The following TRAPPC9 variants were observed in gnomAD, a reference collection of about 807,000 sequenced individuals.
TRAPPC9 encodes IKK2 binding protein.
A neutral mutation model predicts 124.0 loss-of-function variants in TRAPPC9; 83 were observed. The observed-to-expected ratio is 0.67, with a 90% CI of 0.56 to 0.80. The LOEUF is 0.80. Ranked by LOEUF, TRAPPC9 falls within the 30% of genes least tolerant of loss-of-function variation. TRAPPC9 has a pLI of 0.00. For missense variants in TRAPPC9, 1,302 were observed against 1,508.3 expected (o/e 0.86, Z 2.27); for synonymous variants, 638 against 617.5 (o/e 1.03, Z -0.49).
Position 140,371,075 on chromosome 8 carries a change from G to A in TRAPPC9, c.1240C>T (p.Gln414Ter). 6.2e-7 allele frequency: 1 copy of A among 1,614,246 alleles called. No homozygotes were observed. The highest frequency in any genetic ancestry group is 8.5e-7 in the Non-Finnish European group (1 of 1,180,054). ...SAFFKRVAAM[Q>*]CVAPSIAEPG... ...TCCGCGATGCTTGGGGCCACGCACT[G>A]CATGGCGGCCACGCGCTTGAAGAAC... is the stretch of plus-strand genomic sequence containing the variant. The change falls in exon 8 of 23, where the codon CAG becomes TAG. Residue 414 changes from glutamine to a stop codon, truncating the protein, a stop_gained. Transcript: ENST00000438773. LOFTEE classifies it high-confidence loss of function.
intron 19 of TRAPPC9, among the ~76,000 whole-genome samples, chr8:139,947,920 A>AGC (rs1554678320): frequency 8.7e-4 from 51 of 58,806 alleles, no homozygotes; most frequent in Non-Finnish European, 1.2e-3. Context: ...AGAGAGAGAG[A>AGC]GAGCGAGAGA....
At chr8:140,442,101 G>A (rs967875114) in intron 2 of TRAPPC9, among the ~76,000 whole-genome samples, 2 of 152,158 alleles carry the variant, frequency 1.3e-5, no homozygotes, top group Admixed American at 6.5e-5. Context: ...ACCTGCTGTA[G>A]CAAAATATAA....
At position 140,009,351 on chromosome 8, in the gene TRAPPC9, G is replaced by A. The variant is rs140285412; in HGVS notation, c.2699+14586C>T. On this transcript the variant is annotated intron_variant, in intron 18 of 22. Transcript: ENST00000438773. ...CAGCTTACTATGCTCATTTTAACAA[G>A]TACAGTCAGCAAGGATCAGGAAAAC... Among the ~76,000 whole-genome samples, 7 of 152,254 alleles carry A rather than the reference G, an allele frequency of 4.6e-5. No homozygotes were observed. The East Asian group carries it at 1.4e-3, about 29-fold the overall frequency.
intron 17 of TRAPPC9, among the ~76,000 whole-genome samples, chr8:140,113,658 G>A (rs2060824171): frequency 6.6e-6 from 1 of 152,186 alleles, no homozygotes; most frequent in Admixed American, 6.5e-5. Flanking sequence ...CCTGTCCGTA[G>A]GAAGCAACTT....
chr8:140,114,927 C>G (rs76154537), intron 17 of TRAPPC9, among the ~76,000 whole-genome samples: 1,908 of 152,288 alleles, frequency 0.013, 39 homozygotes, highest in African/African-American at 0.042. Context: ...AGTCAGGAGT[C>G]TGACTACCTC....
chr8:140,282,358 C>T (rs2065348032), intron 14 of TRAPPC9, among the ~76,000 whole-genome samples: 1 of 152,016 alleles, frequency 6.6e-6, no homozygotes, highest in Non-Finnish European at 1.5e-5. Context: ...CAAAAATTAG[C>T]TGGGCGTGGT....
chr8:140,375,313 T>C (rs575965688), intron 7 of TRAPPC9, among the ~76,000 whole-genome samples: 18 of 152,332 alleles, frequency 1.2e-4, no homozygotes, highest in African/African-American at 4.3e-4. Flanking sequence ...CAGATGTTTA[T>C]GTGAGGTTCC....
chr8:140,208,917 A>G (rs1041884584), intron 17 of TRAPPC9, among the ~76,000 whole-genome samples: 1 of 152,230 alleles, frequency 6.6e-6, no homozygotes, highest in African/African-American at 2.4e-5. Flanking sequence ...TTTCATATGC[A>G]GGGGTTCTGC....
At chr8:139,816,251 A>T (rs1824827520) in intron 21 of TRAPPC9, among the ~76,000 whole-genome samples, 1 of 152,206 alleles carries the variant, frequency 6.6e-6, no homozygotes, top group Non-Finnish European at 1.5e-5. Flanking sequence ...GGATTTTCAG[A>T]GCAAGGTTCA....
At chr8:139,882,684 G>A (rs569613319) in intron 21 of TRAPPC9, among the ~76,000 whole-genome samples, 23 of 152,282 alleles carry the variant, frequency 1.5e-4, no homozygotes, top group Admixed American at 2.6e-4. Flanking sequence ...AGACAGGTGC[G>A]GGTCTCAGAG....
intron 21 of TRAPPC9, among the ~76,000 whole-genome samples, chr8:139,865,493 C>A (rs1587024938): frequency 1.3e-5 from 2 of 152,162 alleles, no homozygotes; most frequent in Admixed American, 1.3e-4. Flanking sequence ...GAAAGAGCCA[C>A]CCCTGGGATG....
chr8:139,890,354 A>C (rs1775951529), intron 20 of TRAPPC9, among the ~76,000 whole-genome samples: 1 of 152,202 alleles, frequency 6.6e-6, no homozygotes. Flanking sequence ...GGACATTTGC[A>C]GAGGTTGAGC....
chr8:140,076,935 G>A (rs1310277814), intron 17 of TRAPPC9, among the ~76,000 whole-genome samples: 1 of 152,214 alleles, frequency 6.6e-6, no homozygotes, highest in Non-Finnish European at 1.5e-5. Flanking sequence ...GGAGGCTGAG[G>A]CAGAAGGATG....
intron 21 of TRAPPC9, among the ~76,000 whole-genome samples, chr8:139,740,580 C>T (rs1197621842): frequency 1.3e-5 from 2 of 152,242 alleles, no homozygotes; most frequent in Non-Finnish European, 2.9e-5. Flanking sequence ...CAGAAGCACA[C>T]TGAGGTGTAG....
At chr8:139,991,264 G>A (rs926664180) in intron 18 of TRAPPC9, among the ~76,000 whole-genome samples, 1 of 152,228 alleles carries the variant, frequency 6.6e-6, no homozygotes, top group Non-Finnish European at 1.5e-5. Context: ...AGAATACGGT[G>A]CTTACGAAAT....
At chr8:139,795,757 C>A (rs1333869284) in intron 21 of TRAPPC9, among the ~76,000 whole-genome samples, 1 of 151,978 alleles carries the variant, frequency 6.6e-6, no homozygotes, top group Admixed American at 6.6e-5. Flanking sequence ...GGCCAGTGAG[C>A]GTGAGGGGTG....
chr8:140,300,163 CT>C (rs1203406594), intron 11 of TRAPPC9, among the ~76,000 whole-genome samples: 1 of 152,238 alleles, frequency 6.6e-6, no homozygotes, highest in East Asian at 1.9e-4. Flanking sequence ...CCATGACAGA[CT>C]GCACACACGC....
chr8:140,352,101 A>G (rs954738734), intron 9 of TRAPPC9, among the ~76,000 whole-genome samples: 5 of 152,142 alleles, frequency 3.3e-5, no homozygotes, highest in Non-Finnish European at 1.5e-5. Flanking sequence ...ATTTCAAATA[A>G]TTGAGATCAT....
At chr8:140,190,756 T>C (rs1385358805) in intron 17 of TRAPPC9, among the ~76,000 whole-genome samples, 1 of 152,232 alleles carries the variant, frequency 6.6e-6, no homozygotes, top group Non-Finnish European at 1.5e-5. Context: ...ATTTGAGAAG[T>C]AGATTTCTTT....
Sources: allele counts gnomAD v4.1 joint callset (sites outside exome capture counted in the v4.1 genomes callset), GRCh38; gene constraint gnomAD v4.1.1; transcripts MANE v1.5; gene names NCBI Gene and HGNC (gene_info 2026-07-23, HGNC 2026-07-21).